RALGAPA1: variants seen among roughly 807,000 people sequenced by gnomAD.
The protein encoded by RALGAPA1 is ral GTPase-activating protein subunit alpha-1.
RALGAPA1 carries 52 observed loss-of-function variants against 269.6 expected under a neutral mutation model. The ratio of observed to expected loss-of-function variants is 0.19; its 90% CI spans 0.15 to 0.24. The LOEUF (loss-of-function observed/expected upper bound fraction) is 0.24, where lower values mean the gene tolerates loss of function less well. Among genes scored for constraint, RALGAPA1 ranks in the 10% least tolerant of loss-of-function variants. RALGAPA1 has a pLI of 1.00. For missense variants in RALGAPA1, 1,917 were observed against 3,013.9 expected (o/e 0.64, Z 8.52); for synonymous variants, 817 against 1,008.3 (o/e 0.81, Z 3.60).
Position 35,759,231 on chromosome 14 carries a change from C to G in RALGAPA1, c.547+1598G>C, listed in dbSNP as rs117901776. Among the ~76,000 whole-genome samples the G allele has an allele frequency of 4.6e-5, 7 of 152,306 alleles. No homozygotes were observed. The East Asian group carries it at 1.2e-3, about 25-fold the overall frequency. ...GTACTGTTTCTAAAATTTTGTTCTA[C>G]AAACATAGTTTTGCTTTACCACAAA... is the stretch of plus-strand genomic sequence containing the variant. On this transcript the variant is annotated intron_variant, in intron 6 of 41. Coordinates refer to ENST00000680220, the MANE Select transcript of RALGAPA1 (RefSeq NM_001346249.2).
In RALGAPA1 at chr14:35,689,700, C is replaced by T; in HGVS notation, c.2711G>A (p.Gly904Asp). Residue 904 changes from glycine to aspartate, a missense_variant, in exon 18 of 42, where the codon GGT (glycine) becomes GAT (aspartate). By Grantham distance (94) the Gly-to-Asp change is moderately conservative. Transcript: ENST00000680220. Reference sequence around the variant, plus strand: ...ACAAAGATGGTCATATATGCTATCACCAACTTCCAGAGAAGACTCTCTACT... The same window carrying T: ...ACAAAGATGGTCATATATGCTATCATCAACTTCCAGAGAAGACTCTCTACT... The part of the protein sequence containing the change: ...THSRESSLEV[G>D]DSIYDHLCHL... 4 of 1,405,872 alleles carry T rather than the reference C, an allele frequency of 2.8e-6. No individual in the cohort carries two copies. The highest frequency in any genetic ancestry group is 1.8e-6 in the Non-Finnish European group (2 of 1,081,230). 87.1% of individuals were successfully genotyped at this position (1,405,872 alleles called of 1,614,324 possible).
Position 35,634,153 on chromosome 14 carries a change from G to T in RALGAPA1, c.5995+421C>A, listed in dbSNP as rs189079833. ...AAGAATAATTTAGCCAGAAGTACATGTTGAGTATCCCTAATCTGAAAATCT... is the reference window on the plus strand; with the variant it reads ...AAGAATAATTTAGCCAGAAGTACATTTTGAGTATCCCTAATCTGAAAATCT... On this transcript the variant is annotated intron_variant, in intron 33 of 41. Coordinates refer to ENST00000680220, the MANE Select transcript of RALGAPA1 (RefSeq NM_001346249.2). 4.2e-4 allele frequency among the ~76,000 whole-genome samples: 64 copies of T among 152,194 alleles called. No homozygotes were observed. The East Asian group carries it at 0.011, about 27-fold the overall frequency.
intron 4 of RALGAPA1, chr14:35,766,630 G>T: frequency 1.4e-6 from 1 of 726,168 alleles, no homozygotes; most frequent in South Asian, 1.4e-5. Context: ...GCAACCAGAC[G>T]AGAAGGGTTC....
At chr14:35,796,779 A>C (rs1216700782) in intron 1 of RALGAPA1, among the ~76,000 whole-genome samples, 1 of 152,100 alleles carries the variant, frequency 6.6e-6, no homozygotes, top group African/African-American at 2.4e-5. Flanking sequence ...TAAACAGAAC[A>C]AAAGTATCCT....
intron 16 of RALGAPA1, among the ~76,000 whole-genome samples, chr14:35,719,386 C>T (rs1490058112): frequency 6.6e-6 from 1 of 152,100 alleles, no homozygotes; most frequent in Non-Finnish European, 1.5e-5. Flanking sequence ...ATCTGCTGCC[C>T]CTTTTTATAA....
chr14:35,801,427 T>C (rs555339570), intron 1 of RALGAPA1, among the ~76,000 whole-genome samples: 6 of 151,960 alleles, frequency 3.9e-5, no homozygotes, highest in Admixed American at 2.6e-4. Flanking sequence ...CGCCACAAGG[T>C]CCAGCTACTT....
At chr14:35,800,330 G>C (rs1329797503) in intron 1 of RALGAPA1, among the ~76,000 whole-genome samples, 1 of 152,172 alleles carries the variant, frequency 6.6e-6, no homozygotes, top group African/African-American at 2.4e-5. Flanking sequence ...AAGTTAAAAT[G>C]TCTCTGGACC....
Position 35,545,705 on chromosome 14 carries a change from T to G in RALGAPA1, c.*23+2803A>C, listed in dbSNP as rs746516839. On this transcript the variant is annotated intron_variant, in intron 41 of 41. Transcript: ENST00000680220. ...TTGAAATTGAGAAAGTTAAACCAATTAATATTTACTATACACTTTCAGCAA... is the reference window on the plus strand; with the variant it reads ...TTGAAATTGAGAAAGTTAAACCAATGAATATTTACTATACACTTTCAGCAA... Among the ~76,000 whole-genome samples, 100 of 151,960 alleles carry G rather than the reference T, an allele frequency of 6.6e-4. 1 individual carries two copies. The highest frequency in any genetic ancestry group is 2.8e-4 in the Non-Finnish European group (19 of 67,952).
chr14:35,693,735 ATAAATT>A (rs1370118930), intron 17 of RALGAPA1, among the ~76,000 whole-genome samples: 11 of 151,972 alleles, frequency 7.2e-5, no homozygotes. Flanking sequence ...CTTTGGTAAA[ATAAATT>A]TAAATTTAGA....
rs769036567 is a variant in RALGAPA1 at position 35,664,787 on chromosome 14, A to C, written c.5203-20T>G. On this transcript the variant is annotated intron_variant, in intron 26 of 41. Transcript: ENST00000680220. ...TGGTGCCTATGTATCACATTTTTAA[A>C]AAGTTTAAAAATATATTGGTGTTAT... is the stretch of plus-strand genomic sequence containing the variant. 5 of 1,603,352 alleles carry C rather than the reference A, an allele frequency of 3.1e-6. No individual in the cohort carries two copies. The highest frequency in any genetic ancestry group is 4.2e-6 in the Non-Finnish European group (5 of 1,176,776).
At chr14:35,604,507 C>A (rs1288796791) in intron 36 of RALGAPA1, among the ~76,000 whole-genome samples, 1 of 151,564 alleles carries the variant, frequency 6.6e-6, no homozygotes, top group Non-Finnish European at 1.5e-5. Context: ...GCTGACATAT[C>A]AGACACTGTG....
chr14:35,751,624 A>G (rs1343783347), intron 8 of RALGAPA1, among the ~76,000 whole-genome samples: 1 of 152,024 alleles, frequency 6.6e-6, no homozygotes, highest in African/African-American at 2.4e-5. Context: ...TCTCTAAAAA[A>G]AAAATAATTA....
At chr14:35,738,210 T>G (rs1398653963) in intron 12 of RALGAPA1, among the ~76,000 whole-genome samples, 1 of 151,994 alleles carries the variant, frequency 6.6e-6, no homozygotes, top group Non-Finnish European at 1.5e-5. Context: ...ACAAAATAGT[T>G]AAAATGAATT....
At chr14:35,574,847 C>T (rs1334658917) in intron 37 of RALGAPA1, among the ~76,000 whole-genome samples, 1 of 152,028 alleles carries the variant, frequency 6.6e-6, no homozygotes, top group East Asian at 1.9e-4. Context: ...TCCTATGGAG[C>T]AGGGTGTGGT....
intron 1 of RALGAPA1, among the ~76,000 whole-genome samples, chr14:35,790,864 G>C (rs570504030): frequency 6.6e-6 from 1 of 152,002 alleles, no homozygotes; most frequent in South Asian, 2.1e-4. Context: ...AAGGGTAATC[G>C]CTTAAATGGA....
At chr14:35,724,921 C>G (rs557499877) in intron 14 of RALGAPA1, 103 bp downstream of exon 14, 3 of 911,662 alleles carry the variant, frequency 3.3e-6, no homozygotes, top group Non-Finnish European at 4.5e-6. Flanking sequence ...TTTCTGGTAA[C>G]AAGTTCAGGG....
intron 1 of RALGAPA1, among the ~76,000 whole-genome samples, chr14:35,791,779 G>A (rs367831498): frequency 7.3e-5 from 11 of 151,224 alleles, no homozygotes; most frequent in East Asian, 1.9e-4. Flanking sequence ...GGTGGCGGGC[G>A]CCTGTAGTCC....
chr14:35,637,365 G>C (rs149267026), intron 31 of RALGAPA1, among the ~76,000 whole-genome samples: 1 of 152,130 alleles, frequency 6.6e-6, no homozygotes, highest in Non-Finnish European at 1.5e-5. Context: ...ATTTAACAAA[G>C]AGATTGAAAT....
intron 28 of RALGAPA1, among the ~76,000 whole-genome samples, chr14:35,658,375 G>A (rs916226178): frequency 3.3e-5 from 5 of 152,162 alleles, no homozygotes; most frequent in Non-Finnish European, 5.9e-5. Context: ...GCCATGATCT[G>A]TAACTTTTGA....
Sources: allele counts gnomAD v4.1 joint callset (sites outside exome capture counted in the v4.1 genomes callset), GRCh38; gene constraint gnomAD v4.1.1; transcripts MANE v1.5; gene names NCBI Gene and HGNC (gene_info 2026-07-23, HGNC 2026-07-21).